RGL1: variants seen among roughly 807,000 people sequenced by gnomAD.
RGL1 encodes the protein ral guanine nucleotide dissociation stimulator like 1.
RGL1 carries 24 observed loss-of-function variants against 95.2 expected under a neutral mutation model. The observed-to-expected ratio is 0.25, with a 90% CI of 0.18 to 0.35. The LOEUF (loss-of-function observed/expected upper bound fraction) is 0.35. Among genes scored for constraint, RGL1 ranks in the 10% least tolerant of loss-of-function variants. The pLI, the probability that RGL1 is intolerant of heterozygous loss-of-function variation, is 1.00. For missense variants in RGL1, 715 were observed against 936.3 expected, an observed-to-expected ratio of 0.76 and a Z score of 3.08; for synonymous variants, 329 against 344.9, an observed-to-expected ratio of 0.95 and a Z score of 0.51.
At chr1:183,643,545 C>A (rs2101979945) in intron 1 of RGL1, among the ~76,000 whole-genome samples, 1 of 152,258 alleles carries the variant, frequency 6.6e-6, no homozygotes, top group South Asian at 2.1e-4. Flanking sequence ...CCTACCTCGG[C>A]CTCCCAAAGT....
Position 183,888,488 on chromosome 1 carries a change from G to A in RGL1, c.966G>A (p.Leu322=), listed in dbSNP as rs1200974928. The A allele has an allele frequency of 1.2e-6, 2 of 1,609,204 alleles. No homozygotes were observed. The highest frequency in any genetic ancestry group is 2.2e-5 in the East Asian group (1 of 44,852). The change falls in exon 8 of 18, where the codon CTG becomes CTA. Residue 322 remains leucine (L), a synonymous_variant. Coordinates refer to ENST00000360851, the MANE Select transcript of RGL1 (RefSeq NM_001297671.3). ...WINIAHECRL[L]KNFSSLRAIV... ...TCCCCATGCAGGAATGTAGACTCCTGAAGAATTTTTCCTCCTTGAGGGCCA... is the reference window on the plus strand; with the variant it reads ...TCCCCATGCAGGAATGTAGACTCCTAAAGAATTTTTCCTCCTTGAGGGCCA...
chr1:183,863,075 T>C (rs1665610558), intron 3 of RGL1, among the ~76,000 whole-genome samples: 1 of 151,916 alleles, frequency 6.6e-6, no homozygotes. Context: ...GGCACAGGTG[T>C]GGGAGGAGGC....
intron 10 of RGL1, among the ~76,000 whole-genome samples, chr1:183,899,624 G>A (rs1057329772): frequency 2.0e-5 from 3 of 152,130 alleles, no homozygotes; most frequent in Admixed American, 2.0e-4. Flanking sequence ...TTATTACTTG[G>A]TTAAGGAAGA....
chr1:183,914,367 G>A (rs1394082841), intron 15 of RGL1, among the ~76,000 whole-genome samples: 1 of 152,120 alleles, frequency 6.6e-6, no homozygotes, highest in Non-Finnish European at 1.5e-5. Context: ...TTCTTTGGAT[G>A]AACCTTTCTC....
chr1:183,718,828 G>A (rs1001114588), intron 1 of RGL1, among the ~76,000 whole-genome samples: 11 of 151,956 alleles, frequency 7.2e-5, no homozygotes, highest in African/African-American at 2.4e-4. Context: ...CAGGAGAATC[G>A]CTTGAACCTG....
At chr1:183,653,527 C>A (rs919533078) in intron 1 of RGL1, among the ~76,000 whole-genome samples, 3 of 152,190 alleles carry the variant, frequency 2.0e-5, no homozygotes, top group Admixed American at 1.3e-4. Flanking sequence ...GTTCTGAGGG[C>A]CTGCTCCTCA....
chr1:183,917,900 G>T (rs868307067), intron 16 of RGL1, among the ~76,000 whole-genome samples: 5 of 152,346 alleles, frequency 3.3e-5, no homozygotes, highest in Admixed American at 6.5e-5. Flanking sequence ...TGGAGTGTCG[G>T]GGTAGACTGG....
chr1:183,837,898 G>A (rs1389297542), intron 2 of RGL1, among the ~76,000 whole-genome samples: 1 of 152,162 alleles, frequency 6.6e-6, no homozygotes, highest in African/African-American at 2.4e-5. Context: ...CAATAGGCTT[G>A]GCGCTCCTAT....
intron 1 of RGL1, among the ~76,000 whole-genome samples, chr1:183,723,685 A>C (rs1656148907): frequency 6.6e-6 from 1 of 152,208 alleles, no homozygotes; most frequent in African/African-American, 2.4e-5. Context: ...CCTCCCCACC[A>C]CAGGCTAAAG....
intron 4 of RGL1, among the ~76,000 whole-genome samples, chr1:183,875,146 T>A (rs894165203): frequency 6.6e-6 from 1 of 152,236 alleles, no homozygotes; most frequent in African/African-American, 2.4e-5. Flanking sequence ...TGTCTTATTT[T>A]CTGCTGATGA....
intron 14 of RGL1, among the ~76,000 whole-genome samples, chr1:183,908,732 C>T (rs1668482785): frequency 6.6e-6 from 1 of 152,162 alleles, no homozygotes; most frequent in South Asian, 2.1e-4. Context: ...CTCACTGAGG[C>T]AGCAGAAGGA....
intron 1 of RGL1, among the ~76,000 whole-genome samples, chr1:183,704,880 GAGGCAGGC>G (rs1161879747): frequency 6.6e-6 from 1 of 152,214 alleles, no homozygotes; most frequent in African/African-American, 2.4e-5. Flanking sequence ...CCAATGCTTG[GAGGCAGGC>G]AGGCCATCCA....
intron 9 of RGL1, among the ~76,000 whole-genome samples, chr1:183,897,361 C>T (rs1403747595): frequency 6.6e-6 from 1 of 152,022 alleles, no homozygotes; most frequent in East Asian, 1.9e-4. Context: ...TGGCGAAACC[C>T]CATCTCTACT....
intron 1 of RGL1, among the ~76,000 whole-genome samples, chr1:183,689,775 G>GGGACAGAGGCTACCCAGAAGAT (rs1653831736): frequency 6.6e-6 from 1 of 152,128 alleles, no homozygotes; most frequent in Admixed American, 6.5e-5. Context: ...TAGGGGTGGT[G>GGGACAGAGGCTACCCAGAAGAT]GGACAGAGGC....
At chr1:183,807,411 C>T (rs1661419229) in intron 2 of RGL1, among the ~76,000 whole-genome samples, 1 of 152,222 alleles carries the variant, frequency 6.6e-6, no homozygotes, top group Non-Finnish European at 1.5e-5. Flanking sequence ...AAGATTTATG[C>T]ACTTGCATCC....
chr1:183,682,989 AC>A (rs1052113369), intron 1 of RGL1, among the ~76,000 whole-genome samples: 9 of 144,128 alleles, frequency 6.2e-5, no homozygotes, highest in Admixed American at 3.4e-4. Context: ...GAGGATTGCA[AC>A]CCCTTCTTTT....
chr1:183,817,907 G>A (rs1454929441), intron 2 of RGL1, among the ~76,000 whole-genome samples: 1 of 152,158 alleles, frequency 6.6e-6, no homozygotes, highest in African/African-American at 2.4e-5. Flanking sequence ...ATCCTGGAGG[G>A]ACCTGCTGCT....
intron 7 of RGL1, among the ~76,000 whole-genome samples, chr1:183,885,792 A>C (rs1487723808): frequency 6.6e-6 from 1 of 152,206 alleles, no homozygotes; most frequent in Non-Finnish European, 1.5e-5. Context: ...AGCCTGAGAC[A>C]GTAGAGGAGT....
intron 1 of RGL1, among the ~76,000 whole-genome samples, chr1:183,689,470 A>G (rs777079311): frequency 5.5e-4 from 84 of 152,126 alleles, no homozygotes; most frequent in Non-Finnish European, 1.0e-3. Context: ...CATCTATTTC[A>G]AGCACCCTGT....
Sources: gnomAD v4.1 joint callset for allele counts (sites outside exome capture counted in the v4.1 genomes callset) on GRCh38, gnomAD v4.1.1 for gene constraint, MANE v1.5 for transcripts, NCBI Gene and HGNC (gene_info 2026-07-23, HGNC 2026-07-21) for gene names.